ERC1: variants seen among roughly 807,000 people sequenced by gnomAD.
ERC1 encodes RAB6 interacting protein 2.
Under a neutral mutation model 132.0 loss-of-function variants are expected in ERC1, and 56 were observed. The observed-to-expected ratio is 0.42, with a 90% CI of 0.34 to 0.53. The LOEUF is 0.53. Among genes scored for constraint, ERC1 ranks in the 20% least tolerant of loss-of-function variants. ERC1 has a pLI of 0.03. For synonymous variants in ERC1, 478 were observed against 476.1 expected, an observed-to-expected ratio of 1.00 and a Z score of -0.05; for missense variants, 1,202 against 1,349.9, an observed-to-expected ratio of 0.89 and a Z score of 1.72.
At chr12:1,423,002 G>A (rs2092483447) in intron 17 of ERC1, among the ~76,000 whole-genome samples, 1 of 152,128 alleles carries the variant, frequency 6.6e-6, no homozygotes, top group African/African-American at 2.4e-5. Context: ...CGTAATTTTG[G>A]TTGGGAGGCC....
chr12:1,156,897 G>A (rs956172957), intron 8 of ERC1, among the ~76,000 whole-genome samples: 5 of 151,746 alleles, frequency 3.3e-5, no homozygotes, highest in Non-Finnish European at 7.4e-5. Context: ...TTGATTTATA[G>A]GAAGTTTTTC....
At chr12:1,446,372 T>C (rs554233090) in intron 18 of ERC1, among the ~76,000 whole-genome samples, 11 of 152,262 alleles carry the variant, frequency 7.2e-5, no homozygotes, top group Admixed American at 2.6e-4. Context: ...TTTTGAAATA[T>C]TAACTTAAAG....
At chr12:1,375,415 A>G (rs576217850) in intron 16 of ERC1, among the ~76,000 whole-genome samples, 88 of 152,292 alleles carry the variant, frequency 5.8e-4, no homozygotes, top group Middle Eastern at 3.4e-3. Context: ...CATGGGGATT[A>G]CAATTCGAGG....
At chr12:1,253,802 G>A (rs761370444) in intron 13 of ERC1, among the ~76,000 whole-genome samples, 12 of 152,284 alleles carry the variant, frequency 7.9e-5, no homozygotes, top group South Asian at 2.1e-4. Context: ...CATGGGAGTT[G>A]CTATAGAGTC....
At chr12:1,344,362 A>C (rs965773265) in intron 15 of ERC1, among the ~76,000 whole-genome samples, 11 of 152,100 alleles carry the variant, frequency 7.2e-5, no homozygotes, top group African/African-American at 2.4e-4. Context: ...CAGTGGGAGA[A>C]AGGGGGGAAA....
At chr12:1,214,369 A>G (rs958408786) in intron 12 of ERC1, among the ~76,000 whole-genome samples, 1 of 152,166 alleles carries the variant, frequency 6.6e-6, no homozygotes, top group African/African-American at 2.4e-5. Context: ...CTCATAAAAC[A>G]TTTTGAATAA....
At chr12:1,300,265 T>C (rs2080285944) in intron 15 of ERC1, among the ~76,000 whole-genome samples, 2 of 152,202 alleles carry the variant, frequency 1.3e-5, no homozygotes, top group South Asian at 4.1e-4. Context: ...CCTAGCCATA[T>C]GCAGAAGATT....
At chr12:1,053,747 C>T (rs1223560005) in intron 2 of ERC1, among the ~76,000 whole-genome samples, 1 of 152,200 alleles carries the variant, frequency 6.6e-6, no homozygotes, top group Non-Finnish European at 1.5e-5. Flanking sequence ...GAAAAGAGTC[C>T]TTCCCATGTT....
intron 14 of ERC1, among the ~76,000 whole-genome samples, chr12:1,270,917 A>T (rs1170732532): frequency 6.6e-6 from 1 of 152,152 alleles, no homozygotes; most frequent in Admixed American, 6.5e-5. Context: ...AGGAAAATGT[A>T]AATAATAATT....
chr12:1,403,105 G>C (rs1306032446), intron 16 of ERC1, among the ~76,000 whole-genome samples: 1 of 152,094 alleles, frequency 6.6e-6, no homozygotes, highest in Non-Finnish European at 1.5e-5. Flanking sequence ...TAACAGAATA[G>C]ACAACTAACT....
At chr12:1,137,252 C>A (rs1329891868) in intron 7 of ERC1, among the ~76,000 whole-genome samples, 3 of 151,544 alleles carry the variant, frequency 2.0e-5, no homozygotes, top group Admixed American at 6.6e-5. Context: ...GCAAGCGCCA[C>A]CACGCCAAGC....
chr12:1,448,466 G>C (rs2093356173), intron 18 of ERC1, among the ~76,000 whole-genome samples: 1 of 152,204 alleles, frequency 6.6e-6, no homozygotes, highest in Non-Finnish European at 1.5e-5. Context: ...AATACAAAAT[G>C]ACTTGCCTAT....
intron 1 of ERC1, among the ~76,000 whole-genome samples, chr12:1,003,537 G>A (rs1269372846): frequency 2.6e-5 from 4 of 151,998 alleles, no homozygotes; most frequent in African/African-American, 9.7e-5. Flanking sequence ...GTTTTTCTTC[G>A]CAATTCTTAC....
intron 17 of ERC1, chr12:1,410,563 T>A (rs2154395445): frequency 3.0e-6 from 1 of 334,510 alleles, no homozygotes; most frequent in South Asian, 2.7e-5. Context: ...AAATCCCTGG[T>A]GTGCTTTCTG....
At chr12:1,324,350 G>T (rs551116302) in intron 15 of ERC1, among the ~76,000 whole-genome samples, 36 of 152,284 alleles carry the variant, frequency 2.4e-4, no homozygotes, top group African/African-American at 8.7e-4. Flanking sequence ...CAGACAGAAG[G>T]CATGTCTCAC....
chr12:1,429,345 A>T (rs1330727343), intron 17 of ERC1, among the ~76,000 whole-genome samples: 2 of 152,234 alleles, frequency 1.3e-5, no homozygotes, highest in Non-Finnish European at 2.9e-5. Flanking sequence ...CTATTTAAAA[A>T]TCTAGTACTC....
intron 8 of ERC1, among the ~76,000 whole-genome samples, chr12:1,158,142 G>A (rs1229440286): frequency 6.6e-6 from 1 of 152,108 alleles, no homozygotes; most frequent in African/African-American, 2.4e-5. Flanking sequence ...AACTTTCTGT[G>A]TCTTGATTTA....
intron 8 of ERC1, among the ~76,000 whole-genome samples, chr12:1,160,633 C>T (rs1353154633): frequency 6.6e-6 from 1 of 152,138 alleles, no homozygotes. Context: ...ATTTCTGGAA[C>T]CCAGGAGGTG....
intron 15 of ERC1, among the ~76,000 whole-genome samples, chr12:1,303,073 C>T (rs975288233): frequency 6.6e-6 from 1 of 152,160 alleles, no homozygotes; most frequent in Non-Finnish European, 1.5e-5. Flanking sequence ...AAAAATTCTC[C>T]TGATCATCTT....
Sources: allele counts gnomAD v4.1 joint callset (sites outside exome capture counted in the v4.1 genomes callset), GRCh38; gene constraint gnomAD v4.1.1; transcripts MANE v1.5; gene names NCBI Gene and HGNC (gene_info 2026-07-23, HGNC 2026-07-21).